Variants in GRAMD1B observed in about 807,000 individuals in gnomAD.
GRAMD1B encodes protein Aster-B.
Under a neutral mutation model 99.7 loss-of-function variants are expected in GRAMD1B, and 37 were observed. The observed-to-expected ratio is 0.37, with a 90% CI of 0.29 to 0.49. The LOEUF (loss-of-function observed/expected upper bound fraction) is 0.49, where lower values mean the gene tolerates loss of function less well. Among genes scored for constraint, GRAMD1B ranks in the 20% least tolerant of loss-of-function variants. The pLI is 0.98. For missense variants in GRAMD1B, 888 were observed against 1,009.2 expected, an observed-to-expected ratio of 0.88 and a Z score of 1.63; for synonymous variants, 427 against 387.6, an observed-to-expected ratio of 1.10 and a Z score of -1.19.
chr11:123,359,459 G>A (rs1399121108), intron 1 of GRAMD1B, among the ~76,000 whole-genome samples: 2 of 152,050 alleles, frequency 1.3e-5, no homozygotes, highest in Non-Finnish European at 2.9e-5. Context: ...ATGAGAAGGT[G>A]TGGTCATTAG....
chr11:123,363,863 C>T (rs79885674), intron 1 of GRAMD1B, among the ~76,000 whole-genome samples: 2,093 of 152,288 alleles, frequency 0.014, 45 homozygotes, highest in African/African-American at 0.048. Flanking sequence ...GGCTTAGACA[C>T]GGACTTACTT....
intron 1 of GRAMD1B, among the ~76,000 whole-genome samples, chr11:123,389,612 A>G (rs1384401580): frequency 6.6e-6 from 1 of 152,228 alleles, no homozygotes; most frequent in East Asian, 1.9e-4. Context: ...ATGGAGTTTA[A>G]TTAATAATTA....
In GRAMD1B at chr11:123,586,656, C is replaced by T. The variant is rs572666850; in HGVS notation, c.684+2324C>T. ...CTGAACGAGCTCCTCTCCGCAGCAC[C>T]CCTCCACAGCTGTCATCTGCGCCTC... On this transcript the variant is annotated intron_variant, in intron 4 of 19. Coordinates refer to ENST00000635736, the MANE Select transcript of GRAMD1B (RefSeq NM_001387025.1). 5.3e-5 allele frequency among the ~76,000 whole-genome samples: 8 copies of T among 152,306 alleles called. No homozygotes were observed. In the East Asian group the frequency reaches 1.2e-3, roughly 22 times the overall value.
upstream of GRAMD1B, among the ~76,000 whole-genome samples, chr11:123,428,374 G>A (rs1045308642): frequency 1.3e-5 from 2 of 152,202 alleles, no homozygotes; most frequent in Non-Finnish European, 2.9e-5. Flanking sequence ...ATGGCAAGGG[G>A]TTTCTGCTTT....
At chr11:123,561,375 G>C (rs1005291922) in intron 2 of GRAMD1B, among the ~76,000 whole-genome samples, 1 of 152,224 alleles carries the variant, frequency 6.6e-6, no homozygotes, top group Admixed American at 6.5e-5. Context: ...GGGACAGATG[G>C]ATCTGGCCAG....
Position 123,444,198 on chromosome 11 carries a change from G to A in GRAMD1B, c.374+13032G>A, listed in dbSNP as rs183882488. Among the ~76,000 whole-genome samples the A allele has an allele frequency of 1.1e-4, 16 of 152,222 alleles. No homozygotes were observed. In the East Asian group the frequency reaches 2.9e-3, roughly 28 times the overall value. ...TTCCCCACAAAAGATGGCTTTGCAG[G>A]GCCATTTCAAAATATAACAAAGAAA... is the stretch of plus-strand genomic sequence containing the variant. On this transcript the variant is annotated intron_variant, in intron 1 of 19. Coordinates refer to ENST00000635736, the MANE Select transcript of GRAMD1B (RefSeq NM_001387025.1).
At chr11:123,618,608 G>T in intron 17 of GRAMD1B, 85 bp from the exon 18 acceptor site, 1 of 859,382 alleles carries the variant, frequency 1.2e-6, no homozygotes, top group Non-Finnish European at 2.0e-6. Flanking sequence ...CACCGGTCAG[G>T]GACAGCAGCC....
At chr11:123,589,100 G>C (rs1950361376) in intron 4 of GRAMD1B, among the ~76,000 whole-genome samples, 1 of 151,584 alleles carries the variant, frequency 6.6e-6, no homozygotes, top group African/African-American at 2.4e-5. Context: ...TGAGCAGCGT[G>C]TCACGTGAGG....
At chr11:123,532,339 G>A (rs1943478829) in intron 2 of GRAMD1B, among the ~76,000 whole-genome samples, 1 of 152,226 alleles carries the variant, frequency 6.6e-6, no homozygotes, top group Admixed American at 6.5e-5. Context: ...CCCTGAAAGT[G>A]AGTATACTGT....
chr11:123,399,260 T>A (rs1947573346), intron 1 of GRAMD1B, among the ~76,000 whole-genome samples: 1 of 152,346 alleles, frequency 6.6e-6, no homozygotes, highest in East Asian at 1.9e-4. Context: ...CAAGTGATAG[T>A]ACTGACTTCT....
intron 3 of GRAMD1B, among the ~76,000 whole-genome samples, chr11:123,580,182 T>C (rs73615858): frequency 0.058 from 8,781 of 152,228 alleles, 397 homozygotes; most frequent in African/African-American, 0.13. Context: ...CTGGGAGCCA[T>C]TGCATTGGCC....
chr11:123,589,208 C>T (rs1037865402), intron 4 of GRAMD1B, among the ~76,000 whole-genome samples: 3 of 151,590 alleles, frequency 2.0e-5, no homozygotes, highest in African/African-American at 4.9e-5. Context: ...AAACATATCA[C>T]GGCAAGTGCA....
At chr11:123,613,139 T>A (rs1953827665) in intron 15 of GRAMD1B, 1 of 555,930 alleles carries the variant, frequency 1.8e-6, no homozygotes, top group African/African-American at 1.9e-5. Context: ...GACCTAGTGA[T>A]ATAGGTGGCT....
intron 1 of GRAMD1B, among the ~76,000 whole-genome samples, chr11:123,446,573 A>G (rs1949655209): frequency 6.6e-6 from 1 of 152,216 alleles, no homozygotes; most frequent in South Asian, 2.1e-4. Context: ...CCATTCAGAA[A>G]GTTCTCAGAA....
At chr11:123,619,011 C>T in intron 18 of GRAMD1B, 96 bp from the exon 19 acceptor site, 1 of 735,546 alleles carries the variant, frequency 1.4e-6, no homozygotes, top group Non-Finnish European at 2.3e-6. Flanking sequence ...ACAAAGCACT[C>T]TGATGTGACT....
intron 2 of GRAMD1B, among the ~76,000 whole-genome samples, chr11:123,496,065 G>C (rs1939217960): frequency 6.6e-6 from 1 of 152,046 alleles, no homozygotes; most frequent in African/African-American, 2.4e-5. Flanking sequence ...TCTACCTTTA[G>C]ATGATTTCTT....
intron 2 of GRAMD1B, among the ~76,000 whole-genome samples, chr11:123,520,260 A>G (rs1942068028): frequency 6.6e-6 from 1 of 152,202 alleles, no homozygotes; most frequent in South Asian, 2.1e-4. Context: ...AAATCAAACC[A>G]ACTTCATGTT....
At chr11:123,501,572 AT>A (rs1210491265) in intron 2 of GRAMD1B, among the ~76,000 whole-genome samples, 1 of 152,144 alleles carries the variant, frequency 6.6e-6, no homozygotes, top group African/African-American at 2.4e-5. Flanking sequence ...TTTTTCTTGA[AT>A]CTCATGGATC....
chr11:123,550,724 G>C (rs1382630381), intron 2 of GRAMD1B, among the ~76,000 whole-genome samples: 2 of 152,166 alleles, frequency 1.3e-5, no homozygotes, highest in Non-Finnish European at 2.9e-5. Context: ...TTAAGAAAAG[G>C]TCAGTTACCT....
Sources: gnomAD v4.1 joint callset for allele counts (sites outside exome capture counted in the v4.1 genomes callset) on GRCh38, gnomAD v4.1.1 for gene constraint, MANE v1.5 for transcripts, NCBI Gene and HGNC (gene_info 2026-07-23, HGNC 2026-07-21) for gene names.